The following ST6GALNAC2 variants were observed in gnomAD, a reference collection of about 807,000 sequenced individuals.
The protein encoded by ST6GALNAC2 is alpha-N-acetylgalactosaminide alpha-2,6-sialyltransferase 2.
Under a neutral mutation model 38.7 loss-of-function variants are expected in ST6GALNAC2, and 42 were observed. The ratio of observed to expected loss-of-function variants is 1.09; its 90% CI spans 0.85 to 1.40. The LOEUF is 1.40. Ranked by LOEUF, ST6GALNAC2 falls within the 40% of genes most tolerant of loss-of-function variation. The pLI is 0.00. For synonymous variants in ST6GALNAC2, 233 were observed against 209.0 expected, an observed-to-expected ratio of 1.11 and a Z score of -0.99; for missense variants, 506 against 481.7, an observed-to-expected ratio of 1.05 and a Z score of -0.47.
At chr17:76,578,882 C>A in intron 1 of ST6GALNAC2, 66 bp from the exon 2 acceptor site, 2 of 1,443,602 alleles carry the variant, frequency 1.4e-6, no homozygotes, top group South Asian at 1.2e-5. Flanking sequence ...AGCTTTTGGA[C>A]TGACCGACCC....
At chr17:76,572,580 C>T in intron 5 of ST6GALNAC2, 57 bp downstream of exon 5, 5 of 1,605,876 alleles carry the variant, frequency 3.1e-6, no homozygotes, top group Non-Finnish European at 4.3e-6. Flanking sequence ...ACTGAGGGGA[C>T]TCCAGGAACA....
At position 76,565,700 on chromosome 17, in the gene ST6GALNAC2, T is replaced by G. The variant is rs1002743338; in HGVS notation, c.*404A>C. 3.6e-5 allele frequency: 6 copies of G among 164,958 alleles called. No individual in the cohort carries two copies. The South Asian group carries it at 8.5e-4, about 23-fold the overall frequency. The allele number at this position is 164,958 out of a possible 1,614,324, so 10.2% of individuals were successfully genotyped here. A position where few individuals can be genotyped will look rare whatever the true frequency, so the allele number is the denominator to read the frequency against. On this transcript the variant is annotated 3_prime_UTR_variant, in exon 9 of 9. Transcript: ENST00000225276. ...TGTTCTTAGAAAGGCTCTTAAGAGGTGTCCTGGAGTCCTTGAATCACTTTA... is the reference window on the plus strand; with the variant it reads ...TGTTCTTAGAAAGGCTCTTAAGAGGGGTCCTGGAGTCCTTGAATCACTTTA...
intron 1 of ST6GALNAC2, among the ~76,000 whole-genome samples, chr17:76,583,771 G>T (rs11077837): frequency 0.75 from 112,766 of 149,972 alleles, 42,702 homozygotes; most frequent in East Asian, 0.84. Context: ...TTTTTAATTG[G>T]CACATACTTG....
At chr17:76,572,582 C>A in intron 5 of ST6GALNAC2, 55 bp downstream of exon 5, 1 of 1,606,938 alleles carries the variant, frequency 6.2e-7, no homozygotes, top group Non-Finnish European at 8.5e-7. Flanking sequence ...TGAGGGGACT[C>A]CAGGAACAAT....
At chr17:76,566,477 T>C (rs1240910912) in intron 8 of ST6GALNAC2, among the ~76,000 whole-genome samples, 3 of 152,086 alleles carry the variant, frequency 2.0e-5, no homozygotes, top group Admixed American at 2.0e-4. Flanking sequence ...TTGCCAGAGC[T>C]GGATTTGGAA....
chr17:76,570,629 A>G lies in ST6GALNAC2; in HGVS notation c.709T>C (p.Tyr237His). The G allele has an allele frequency of 6.2e-7, 1 of 1,613,320 alleles. No individual in the cohort carries two copies. Among genetic ancestry groups the G allele is most frequent in the Non-Finnish European group, 8.5e-7 (1 of 1,179,810 alleles). Residue 237 changes from tyrosine (Y) to histidine (H), a missense_variant, in exon 6 of 9, where the codon TAT becomes CAT. Physicochemically the swap from Tyr to His is moderately conservative, Grantham distance 83. Coordinates refer to ENST00000225276, the MANE Select transcript of ST6GALNAC2 (RefSeq NM_006456.3). Reference protein sequence around the residue: ...YIFIPSDIRDYVMLRSAILGV... With the variant: ...YIFIPSDIRDHVMLRSAILGV... ...AGAATGGCCGATCTCAGCATCACAT[A>G]GTCGCGGATGTCTGAGGGGATGAAG...
chr17:76,574,284 G>A, intron 3 of ST6GALNAC2, 81 bp downstream of exon 3: 3 of 1,502,964 alleles, frequency 2.0e-6, no homozygotes, highest in Non-Finnish European at 2.7e-6. Context: ...TGCTATGAGG[G>A]CAGAGAGGCC....
chr17:76,571,847 G>C (rs944679169), intron 5 of ST6GALNAC2, among the ~76,000 whole-genome samples: 1 of 152,194 alleles, frequency 6.6e-6, no homozygotes, highest in East Asian at 1.9e-4. Flanking sequence ...CGGCCTTTGG[G>C]TGTGGGTGGA....
intron 4 of ST6GALNAC2, 47 bp from the exon 5 acceptor site, chr17:76,572,822 T>C (rs1226743359): frequency 6.2e-7 from 1 of 1,611,018 alleles, no homozygotes; most frequent in African/African-American, 1.3e-5. Context: ...CACCAGGCCG[T>C]CTGTTCTGCT....
chr17:76,573,441 G>C lies in ST6GALNAC2; in HGVS notation c.362-78C>G. 6 of 1,370,416 alleles carry C rather than the reference G, an allele frequency of 4.4e-6. No individual in the cohort carries two copies. Among genetic ancestry groups the C allele is most frequent in the East Asian group, 2.7e-5 (1 of 36,782 alleles). The allele number at this position is 1,370,416 out of a possible 1,614,324, so 84.9% of individuals were successfully genotyped here. A position where few individuals can be genotyped will look rare whatever the true frequency, so the allele number is the denominator to read the frequency against. On this transcript the variant is annotated intron_variant, in intron 3 of 8. Transcript: ENST00000225276. This position sits in a 1 kb window ranked among gnomAD's most constrained non-coding sequence, Gnocchi z 5.1. ...TGGGGCCTTCCCTAGGCTGGTTCTG[G>C]TGCCCCATCTCCCCTGAGGCCTGAC...
chr17:76,583,830 A>G (rs1174183206), intron 1 of ST6GALNAC2, among the ~76,000 whole-genome samples: 1 of 138,046 alleles, frequency 7.2e-6, no homozygotes, highest in African/African-American at 2.7e-5. Context: ...TTTTTTTGAG[A>G]TGGAGTCTCG....
rs183842064 is a variant in ST6GALNAC2, at chr17:76,581,589, T to C, written c.126-2773A>G. On this transcript the variant is annotated intron_variant, in intron 1 of 8. Coordinates refer to ENST00000225276, the MANE Select transcript of ST6GALNAC2 (RefSeq NM_006456.3). ...GATGGGGAACCCCCAAGTTCAGTTT[T>C]GCTGCCCTGAACTACCCACCCTCAG... is the stretch of plus-strand genomic sequence containing the variant. 2.5e-4 allele frequency among the ~76,000 whole-genome samples: 38 copies of C among 152,262 alleles called. No homozygotes were observed. The East Asian group carries it at 7.0e-3, about 28-fold the overall frequency.
chr17:76,569,572 G>A (rs1349933125), intron 6 of ST6GALNAC2: 3 of 396,136 alleles, frequency 7.6e-6, no homozygotes, highest in Non-Finnish European at 8.9e-6. Flanking sequence ...GCCTGGAGGG[G>A]TGACAATGTT....
Position 76,566,245 on chromosome 17 carries a change from G to A in ST6GALNAC2, c.984C>T (p.Ser328=). ...AGTGGTCGGAAAATTTCCAGTAGTTGCTTGTGATGAATCCATAGGCACTGA... is the reference window on the plus strand; with the variant it reads ...AGTGGTCGGAAAATTTCCAGTAGTTACTTGTGATGAATCCATAGGCACTGA... ...DQVSAYGFIT[S]NYWKFSDHYF... is the part of the protein sequence containing the mutation. The change falls in exon 9 of 9, where the codon AGC becomes AGT. Residue 328 remains serine (S), a synonymous_variant. Transcript: ENST00000225276. The A allele has an allele frequency of 3.7e-6, 6 of 1,614,132 alleles. No homozygotes were observed. Among genetic ancestry groups the A allele is most frequent in the Non-Finnish European group, 5.1e-6 (6 of 1,180,028 alleles).
intron 2 of ST6GALNAC2, among the ~76,000 whole-genome samples, chr17:76,575,471 A>T (rs1023631978): frequency 6.6e-6 from 1 of 152,050 alleles, no homozygotes; most frequent in Non-Finnish European, 1.5e-5. Context: ...GTGATGATGA[A>T]GCAGGGATCT....
rs72869498 is a variant in ST6GALNAC2 at position 76,571,083 on chromosome 17, G to A, written c.670-415C>T. Reference sequence around the variant, plus strand: ...CAGAGGGCCCAAGTGGCAAGGGCCCGTGAGACGCCATCTTGATGTCAGCTC... The same window carrying A: ...CAGAGGGCCCAAGTGGCAAGGGCCCATGAGACGCCATCTTGATGTCAGCTC... On this transcript the variant is annotated intron_variant, in intron 5 of 8. Transcript: ENST00000225276. The A allele has an allele frequency of 3.3e-3, 521 of 156,558 alleles. 1 individual carries two copies. Among genetic ancestry groups the A allele is most frequent in the Non-Finnish European group, 6.0e-3 (424 of 70,790 alleles). 9.7% of individuals were successfully genotyped at this position (156,558 alleles called of 1,614,324 possible). A position where few individuals can be genotyped will look rare whatever the true frequency, so the allele number is the denominator to read the frequency against.
At position 76,566,060 on chromosome 17, in the gene ST6GALNAC2, A is replaced by T. The variant is rs183198358; in HGVS notation, c.*44T>A. ...AAGCTTTTGGCCACTTGAGAGGATC[A>T]GGGCCGCAACTCTTGAAGAAGCAAA... On this transcript the variant is annotated 3_prime_UTR_variant, in exon 9 of 9. Transcript: ENST00000225276. The T allele has an allele frequency of 2.5e-6, 4 of 1,579,938 alleles. No homozygotes were observed. In the Admixed American group the frequency reaches 5.6e-5, roughly 22 times the overall value.
intron 5 of ST6GALNAC2, chr17:76,571,221 A>G (rs1488907310): frequency 6.5e-6 from 1 of 153,842 alleles, no homozygotes; most frequent in Non-Finnish European, 1.4e-5. Context: ...AAGATAGTCA[A>G]TATTTGTTGT....
chr17:76,567,756 A>G, intron 7 of ST6GALNAC2: 2 of 508,770 alleles, frequency 3.9e-6, no homozygotes, highest in Non-Finnish European at 7.1e-6. Context: ...GAAAGGAACC[A>G]CAGGTTCCCC....
Sources: allele counts gnomAD v4.1 joint callset (sites outside exome capture counted in the v4.1 genomes callset), GRCh38; gene constraint gnomAD v4.1.1; non-coding constraint Gnocchi (gnomAD v3.1); transcripts MANE v1.5; gene names NCBI Gene and HGNC (gene_info 2026-07-23, HGNC 2026-07-21).